PCDH7: variants seen among roughly 807,000 people sequenced by gnomAD.
PCDH7 encodes protocadherin-7.
In PCDH7, 17 loss-of-function variants were observed where a neutral mutation model predicts 58.9. The observed-to-expected ratio is 0.29, with a 90% confidence interval of 0.20 to 0.43. The LOEUF is 0.43. Among genes scored for constraint, PCDH7 ranks in the 20% least tolerant of loss-of-function variants. The probability of loss-of-function intolerance (pLI) is 1.00; values close to 1 mark genes in which losing one functional copy is unlikely to be tolerated. For missense variants in PCDH7, 1,274 were observed against 1,441.0 expected, an observed-to-expected ratio of 0.88 and a Z score of 1.88; for synonymous variants, 664 against 616.4, an observed-to-expected ratio of 1.08 and a Z score of -1.14.
intron 1 of PCDH7, among the ~76,000 whole-genome samples, chr4:30,838,036 A>G (rs1412051141): frequency 1.3e-5 from 2 of 151,742 alleles, no homozygotes; most frequent in Non-Finnish European, 2.9e-5. Context: ...TATCTTCTTC[A>G]TCATGCTGGG....
chr4:31,145,071 A>G (rs1468248716), downstream of PCDH7: 2 of 150,892 alleles, frequency 1.3e-5, no homozygotes, highest in African/African-American at 2.4e-5. Context: ...TTTTTAATGC[A>G]TTTCTTTCTT....
chr4:30,984,548 T>A (rs530753530), intron 3 of PCDH7, among the ~76,000 whole-genome samples: 3 of 152,210 alleles, frequency 2.0e-5, no homozygotes, highest in Non-Finnish European at 2.9e-5. Context: ...AAGGCTGTGA[T>A]TCTGTGATCG....
chr4:30,781,362 G>C (rs1280609899), intron 1 of PCDH7, among the ~76,000 whole-genome samples: 1 of 151,634 alleles, frequency 6.6e-6, no homozygotes, highest in Non-Finnish European at 1.5e-5. Context: ...GGATGTTCTC[G>C]ATCTCCTGAC....
chr4:31,076,066 A>G (rs991974349), intron 3 of PCDH7, among the ~76,000 whole-genome samples: 1 of 152,204 alleles, frequency 6.6e-6, no homozygotes, highest in African/African-American at 2.4e-5. Context: ...TATGTGGCAT[A>G]TATATTTCAT....
At chr4:30,999,983 AT>A (rs879434066) in intron 3 of PCDH7, among the ~76,000 whole-genome samples, 2 of 152,146 alleles carry the variant, frequency 1.3e-5, no homozygotes, top group Non-Finnish European at 2.9e-5. Context: ...CAAATAAATT[AT>A]TGTTTATGGC....
chr4:30,823,946 A>G (rs908475372), intron 1 of PCDH7, among the ~76,000 whole-genome samples: 6 of 152,066 alleles, frequency 3.9e-5, no homozygotes, highest in African/African-American at 1.4e-4. Context: ...TCCTCATCAA[A>G]TTTGGAATAA....
chr4:30,775,258 G>C (rs1455547881), intron 1 of PCDH7, among the ~76,000 whole-genome samples: 2 of 152,168 alleles, frequency 1.3e-5, no homozygotes, highest in Non-Finnish European at 2.9e-5. Flanking sequence ...GGAAGGAATT[G>C]TAAGTCTTAG....
chr4:31,136,259 C>T (rs530231854), intron 3 of PCDH7, among the ~76,000 whole-genome samples: 6 of 152,280 alleles, frequency 3.9e-5, no homozygotes, highest in African/African-American at 1.4e-4. Flanking sequence ...GACCATATTA[C>T]GAGCTGTATA....
chr4:30,865,571 A>C (rs960594670), intron 1 of PCDH7, among the ~76,000 whole-genome samples: 1 of 152,100 alleles, frequency 6.6e-6, no homozygotes, highest in Admixed American at 6.6e-5. Context: ...CTAGCAGTGC[A>C]TGACACTTAG....
chr4:31,084,462 TC>T (rs567687584), intron 3 of PCDH7, among the ~76,000 whole-genome samples: 27 of 151,860 alleles, frequency 1.8e-4, no homozygotes, highest in African/African-American at 6.5e-4. Context: ...GTTCTTACAT[TC>T]CTGTAAAGGA....
chr4:31,124,040 T>G (rs1203887365), intron 3 of PCDH7, among the ~76,000 whole-genome samples: 1 of 152,128 alleles, frequency 6.6e-6, no homozygotes, highest in African/African-American at 2.4e-5. Context: ...CTTGGGGTTT[T>G]TATGGGTACA....
At chr4:30,736,942 A>G (rs1716390138), downstream of PCDH7, among the ~76,000 whole-genome samples, 1 of 152,090 alleles carries the variant, frequency 6.6e-6, no homozygotes, top group African/African-American at 2.4e-5. Context: ...ACTAACCCCT[A>G]TTCTCCATTC....
intron 1 of PCDH7, among the ~76,000 whole-genome samples, chr4:30,843,045 T>C (rs34547954): frequency 0.05 from 7,598 of 152,040 alleles, 387 homozygotes; most frequent in East Asian, 0.25. Context: ...CTCAATGTTA[T>C]TGAATAAACA....
intron 1 of PCDH7, among the ~76,000 whole-genome samples, chr4:30,913,375 C>G (rs1208395024): frequency 6.6e-6 from 1 of 151,980 alleles, no homozygotes; most frequent in Non-Finnish European, 1.5e-5. Flanking sequence ...ACAATTTTGA[C>G]TTCTGCTTTC....
intron 3 of PCDH7, among the ~76,000 whole-genome samples, chr4:31,002,011 T>G (rs753730635): frequency 3.3e-5 from 5 of 152,160 alleles, no homozygotes; most frequent in Non-Finnish European, 7.4e-5. Flanking sequence ...GCTGAGCCAA[T>G]GTTATAGAAT....
At chr4:30,805,492 A>C (rs1303964910) in intron 1 of PCDH7, among the ~76,000 whole-genome samples, 1 of 152,384 alleles carries the variant, frequency 6.6e-6, no homozygotes, top group Admixed American at 6.5e-5. Context: ...ATATAAAAGT[A>C]GAAATGTTCT....
At chr4:30,735,116 T>C (rs1402150171), downstream of PCDH7, among the ~76,000 whole-genome samples, 1 of 152,086 alleles carries the variant, frequency 6.6e-6, no homozygotes, top group Non-Finnish European at 1.5e-5. Context: ...ACAGTACACT[T>C]TGACATTTTG....
intron 2 of PCDH7, among the ~76,000 whole-genome samples, chr4:30,924,152 T>G (rs1039109442): frequency 1.3e-5 from 2 of 152,296 alleles, no homozygotes; most frequent in African/African-American, 4.8e-5. Context: ...TGCCATGACC[T>G]ACTTGATCTT....
intron 3 of PCDH7, among the ~76,000 whole-genome samples, chr4:31,047,367 T>C (rs1242438585): frequency 6.6e-6 from 1 of 151,936 alleles, no homozygotes; most frequent in Non-Finnish European, 1.5e-5. Context: ...CAAAACTTGG[T>C]CATCATTTCA....
Sources: gnomAD v4.1 joint callset for allele counts (sites outside exome capture counted in the v4.1 genomes callset) on GRCh38, gnomAD v4.1.1 for gene constraint, MANE v1.5 for transcripts, NCBI Gene and HGNC (gene_info 2026-07-23, HGNC 2026-07-21) for gene names.